Variants in VAT1L observed in about 807,000 individuals in gnomAD.
VAT1L encodes putative NADPH-dependent quinone oxidoreductase VAT1L.
Under a neutral mutation model 44.1 loss-of-function variants are expected in VAT1L, and 34 were observed. That is an observed-to-expected ratio of 0.77 (90% CI 0.59 to 1.03). The LOEUF is 1.03. VAT1L is among the 50% of genes least tolerant of loss of function. The pLI is 0.00. For missense variants in VAT1L, 615 were observed against 538.8 expected (o/e 1.14, Z -1.40); for synonymous variants, 253 against 202.2 (o/e 1.25, Z -2.13).
At chr16:77,811,958 A>G (rs1258950026) in intron 1 of VAT1L, among the ~76,000 whole-genome samples, 1 of 152,158 alleles carries the variant, frequency 6.6e-6, no homozygotes, top group African/African-American at 2.4e-5. Context: ...AGACGATGAG[A>G]GCTGGGGAAG....
intron 7 of VAT1L, among the ~76,000 whole-genome samples, chr16:77,958,646 G>A (rs560033787): frequency 4.8e-4 from 73 of 152,232 alleles, no homozygotes; most frequent in African/African-American, 1.7e-3. Context: ...GTTTCATTAT[G>A]AGTTCGATTT....
chr16:77,834,591 C>T (rs1212876821), intron 3 of VAT1L, among the ~76,000 whole-genome samples: 13 of 152,118 alleles, frequency 8.5e-5, no homozygotes, highest in Admixed American at 1.3e-4. Flanking sequence ...GAGGCTTCAT[C>T]GGCCTGGGAC....
intron 1 of VAT1L, among the ~76,000 whole-genome samples, chr16:77,794,594 T>C (rs560415449): frequency 6.6e-6 from 1 of 152,302 alleles, no homozygotes; most frequent in South Asian, 2.1e-4. Flanking sequence ...CAATGAAAGG[T>C]GGCCAACATG....
intron 3 of VAT1L, among the ~76,000 whole-genome samples, chr16:77,845,450 C>T (rs2016749152): frequency 6.6e-6 from 1 of 152,152 alleles, no homozygotes; most frequent in African/African-American, 2.4e-5. Flanking sequence ...GGGTAAGCCA[C>T]TTTGTAGGCT....
At chr16:77,928,976 G>T (rs7499305) in intron 7 of VAT1L, among the ~76,000 whole-genome samples, 2 of 151,886 alleles carry the variant, frequency 1.3e-5, no homozygotes, top group African/African-American at 4.8e-5. Context: ...ACCATGCCCC[G>T]GTAAAAGTTT....
intron 7 of VAT1L, among the ~76,000 whole-genome samples, chr16:77,886,101 T>C (rs1029382702): frequency 1.3e-5 from 2 of 152,176 alleles, no homozygotes; most frequent in Non-Finnish European, 2.9e-5. Flanking sequence ...AACATTTCGG[T>C]TTGCTTCCTT....
intron 7 of VAT1L, among the ~76,000 whole-genome samples, chr16:77,962,211 A>C (rs1158796066): frequency 6.6e-6 from 1 of 152,072 alleles, no homozygotes; most frequent in Non-Finnish European, 1.5e-5. Flanking sequence ...TCTCCACCCC[A>C]GAGTCCCACC....
chr16:77,905,310 A>G (rs1354944045), intron 7 of VAT1L, among the ~76,000 whole-genome samples: 3 of 152,210 alleles, frequency 2.0e-5, no homozygotes, highest in African/African-American at 7.2e-5. Flanking sequence ...AAGCAAAATC[A>G]AGAAAGAAAA....
intron 7 of VAT1L, among the ~76,000 whole-genome samples, chr16:77,921,033 A>G (rs2017606499): frequency 1.3e-5 from 2 of 152,284 alleles, no homozygotes; most frequent in South Asian, 4.2e-4. Context: ...TATCCATTTC[A>G]TTAGATCAGC....
chr16:77,937,850 G>C (rs2017822209), intron 7 of VAT1L, among the ~76,000 whole-genome samples: 1 of 152,168 alleles, frequency 6.6e-6, no homozygotes, highest in Non-Finnish European at 1.5e-5. Context: ...CCACTAGTTG[G>C]GAATTCAGAA....
At chr16:77,943,382 T>TTC (rs1401034108) in intron 7 of VAT1L, among the ~76,000 whole-genome samples, 1 of 140,112 alleles carries the variant, frequency 7.1e-6, no homozygotes, top group African/African-American at 2.6e-5. Context: ...TTTTCTTTCT[T>TTC]TTTTTTTTTT....
At chr16:77,943,380 CTT>C (rs773527946) in intron 7 of VAT1L, among the ~76,000 whole-genome samples, 22 of 125,840 alleles carry the variant, frequency 1.7e-4, no homozygotes, top group South Asian at 1.1e-3. Flanking sequence ...CTTTTTCTTT[CTT>C]TTTTTTTTTT....
intron 3 of VAT1L, among the ~76,000 whole-genome samples, chr16:77,850,260 TA>T (rs1280750433): frequency 6.6e-6 from 1 of 152,340 alleles, no homozygotes; most frequent in East Asian, 1.9e-4. Context: ...TGATTCCGTG[TA>T]AGGCTGTATG....
chr16:77,955,686 C>G (rs1265996495), intron 7 of VAT1L, among the ~76,000 whole-genome samples: 1 of 149,748 alleles, frequency 6.7e-6, no homozygotes, highest in African/African-American at 2.5e-5. Flanking sequence ...GATCGCAACA[C>G]TACACTCCGG....
chr16:77,788,691 G>C lies in VAT1L; in HGVS notation c.9G>C (p.Lys3Asn). 1.3e-6 allele frequency: 2 copies of C among 1,550,488 alleles called. No homozygotes were observed. The highest frequency in any genetic ancestry group is 1.7e-6 in the Non-Finnish European group (2 of 1,146,890). MAKEGVEKAEETE... is the reference protein window; with the variant it reads MANEGVEKAEETE... ...CCGCGCCCTCGAGCGCCATGGCCAA[G>C]GAAGGCGTGGAGAAGGCGGAGGAGA... Residue 3 changes from lysine (K) to asparagine (N), a missense_variant, in exon 1 of 9, where the codon AAG becomes AAC. Coordinates refer to ENST00000302536, the MANE Select transcript of VAT1L (RefSeq NM_020927.3).
intron 7 of VAT1L, among the ~76,000 whole-genome samples, chr16:77,914,981 C>G (rs1289966515): frequency 6.6e-6 from 1 of 152,120 alleles, no homozygotes; most frequent in African/African-American, 2.4e-5. Context: ...CAAAATTAGC[C>G]AGGCCTAGTG....
chr16:77,920,221 CTT>C (rs918178375), intron 7 of VAT1L, among the ~76,000 whole-genome samples: 12 of 152,178 alleles, frequency 7.9e-5, no homozygotes, highest in African/African-American at 2.7e-4. Context: ...TCCCTGGAAA[CTT>C]TTGCTTTTCA....
chr16:77,888,135 C>T (rs2017227493), intron 7 of VAT1L, among the ~76,000 whole-genome samples: 1 of 152,220 alleles, frequency 6.6e-6, no homozygotes, highest in Non-Finnish European at 1.5e-5. Flanking sequence ...GAGAAGCCTT[C>T]CCCAGCCCCA....
intron 1 of VAT1L, among the ~76,000 whole-genome samples, chr16:77,802,609 A>C (rs1196528331): frequency 7.6e-6 from 1 of 131,032 alleles, no homozygotes; most frequent in African/African-American, 2.9e-5. Context: ...GCGAGACCCC[A>C]TCTCAAACAC....
Sources: allele counts gnomAD v4.1 joint callset (sites outside exome capture counted in the v4.1 genomes callset), GRCh38; gene constraint gnomAD v4.1.1; transcripts MANE v1.5; gene names NCBI Gene and HGNC (gene_info 2026-07-23, HGNC 2026-07-21).